Variants in ZNF43 observed in about 807,000 individuals in gnomAD.
ZNF43 encodes the protein zinc finger protein 43.
ZNF43 carries 44 observed loss-of-function variants against 68.4 expected under a neutral mutation model. The observed-to-expected ratio is 0.64, with a 90% CI of 0.51 to 0.83. The LOEUF (loss-of-function observed/expected upper bound fraction) is 0.83. Among genes scored for constraint, ZNF43 ranks in the 40% least tolerant of loss-of-function variants. The pLI, the probability that ZNF43 is intolerant of heterozygous loss-of-function variation, is 0.00. For missense variants in ZNF43, 896 were observed against 933.2 expected (o/e 0.96, Z 0.52); for synonymous variants, 308 against 307.8 (o/e 1.00, Z -0.01).
At chr19:21,843,680 T>C (rs1967697972) in intron 1 of ZNF43, among the ~76,000 whole-genome samples, 2 of 152,064 alleles carry the variant, frequency 1.3e-5, no homozygotes, top group South Asian at 4.2e-4. Context: ...TCCCAGCTAC[T>C]AGGGAGGCTG....
chr19:21,827,168 C>A (rs1246204451), intron 1 of ZNF43: 1 of 152,152 alleles, frequency 6.6e-6, no homozygotes, highest in Non-Finnish European at 1.5e-5. Flanking sequence ...AATATATATT[C>A]TCAGCAGAAT....
Position 21,833,443 on chromosome 19 carries a change from T to C in ZNF43, c.3+2593A>G, listed in dbSNP as rs1440246229. On this transcript the variant is annotated intron_variant, in intron 1 of 3. Coordinates refer to ENST00000354959, the MANE Select transcript of ZNF43 (RefSeq NM_003423.4). ...CCCCTGCACCCAGCTAATTTTTTTG[T>C]ATTTTTAGTTGAGACGGGATTTCAC... is the stretch of plus-strand genomic sequence containing the variant. 2.0e-5 allele frequency among the ~76,000 whole-genome samples: 3 copies of C among 151,990 alleles called. No homozygotes were observed. The East Asian group carries it at 5.9e-4, about 30-fold the overall frequency.
At chr19:21,818,688 G>T (rs1043946592) in intron 2 of ZNF43, among the ~76,000 whole-genome samples, 2 of 152,120 alleles carry the variant, frequency 1.3e-5, no homozygotes, top group East Asian at 3.9e-4. Context: ...CCAGAGTACC[G>T]GGATTACAGG....
chr19:21,839,331 C>CAA (rs61335194), upstream of ZNF43, among the ~76,000 whole-genome samples: 3,283 of 27,108 alleles, frequency 0.12, 411 homozygotes, highest in African/African-American at 0.14. Context: ...AGAGATCAGG[C>CAA]AAAAAAAAAA....
At chr19:21,819,956 T>C (rs2037716531) in intron 1 of ZNF43, among the ~76,000 whole-genome samples, 1 of 151,928 alleles carries the variant, frequency 6.6e-6, no homozygotes, top group Admixed American at 6.6e-5. Context: ...CCTAGCACTT[T>C]GGGAGGCTGA....
intron 1 of ZNF43, among the ~76,000 whole-genome samples, chr19:21,844,923 T>A (rs61355591): frequency 0.015 from 1,238 of 83,492 alleles, 11 homozygotes; most frequent in African/African-American, 0.033. Context: ...AAAAAAAAAA[T>A]ATATATATAT....
chr19:21,832,636 G>A (rs2038477548), intron 1 of ZNF43, among the ~76,000 whole-genome samples: 1 of 109,970 alleles, frequency 9.1e-6, no homozygotes, highest in Admixed American at 8.5e-5. Context: ...GGAGGCCAAG[G>A]CAGGCAGATA....
At chr19:21,815,911 A>C (rs1274047867) in intron 3 of ZNF43, among the ~76,000 whole-genome samples, 1 of 151,980 alleles carries the variant, frequency 6.6e-6, no homozygotes, top group Non-Finnish European at 1.5e-5. Flanking sequence ...ATACAAAAAA[A>C]TTAGCCAGGT....
At chr19:21,844,921 A>AAAAAAAAT (rs1310761266) in intron 1 of ZNF43, among the ~76,000 whole-genome samples, 7 of 26,050 alleles carry the variant, frequency 2.7e-4, no homozygotes, top group East Asian at 8.5e-4. Context: ...AAAAAAAAAA[A>AAAAAAAAT]ATATATATAT....
In ZNF43 at chr19:21,806,236, G is replaced by C. The variant is rs2036935738; in HGVS notation, c.*1371C>G. 2 of 149,456 alleles carry C rather than the reference G, an allele frequency of 1.3e-5. No homozygotes were observed. The highest frequency in any genetic ancestry group is 4.2e-4 in the South Asian group (2 of 4,764). 9.3% of individuals were successfully genotyped at this position (149,456 alleles called of 1,614,324 possible). On this transcript the variant is annotated 3_prime_UTR_variant, in exon 4 of 4. Transcript: ENST00000354959. ...TTGTTGCCCAGGTTGGAGTGCAATG[G>C]TATGATTTCGGCTCACTGAGACCTC...
In ZNF43 at chr19:21,807,697, A is replaced by T; in HGVS notation, c.2340T>A (p.His780Gln). 6.2e-7 allele frequency: 1 copy of T among 1,612,054 alleles called. No homozygotes were observed. The highest frequency in any genetic ancestry group is 8.5e-7 in the Non-Finnish European group (1 of 1,179,078). Residue 780 changes from histidine (H) to glutamine (Q), a missense_variant, in exon 4 of 4, where the codon CAT (histidine) becomes CAA (glutamine). By Grantham distance (24) the His-to-Gln change is conservative. Coordinates refer to ENST00000354959, the MANE Select transcript of ZNF43 (RefSeq NM_003423.4). Reference protein sequence around the residue: ...AFNQYSNLTTHNKIHTGEKLY... With the variant: ...AFNQYSNLTTQNKIHTGEKLY... ...GTTTCTCTCCAGTATGAATTTTGTT[A>T]TGTGTAGTAAGGTTTGAATATTGGT... is the stretch of plus-strand genomic sequence containing the variant.
Position 21,806,115 on chromosome 19 carries a change from C to T in ZNF43, c.*1492G>A, listed in dbSNP as rs1257529963. ...CTCTGAAAACCTATCTCCTGCATCA[C>T]TCCTTTATAAGTTAACCACAAAGAG... On this transcript the variant is annotated 3_prime_UTR_variant, in exon 4 of 4. Coordinates refer to ENST00000354959, the MANE Select transcript of ZNF43 (RefSeq NM_003423.4). The T allele has an allele frequency of 1.3e-5, 2 of 151,776 alleles. No individual in the cohort carries two copies. Among genetic ancestry groups the T allele is most frequent in the Non-Finnish European group, 2.9e-5 (2 of 67,988 alleles). 9.4% of individuals were successfully genotyped at this position (151,776 alleles called of 1,614,324 possible).
At chr19:21,825,701 T>C (rs2038085114) in intron 1 of ZNF43, among the ~76,000 whole-genome samples, 1 of 152,092 alleles carries the variant, frequency 6.6e-6, no homozygotes, top group South Asian at 2.1e-4. Flanking sequence ...TTTGATCGGG[T>C]TTCTGGGCCC....
chr19:21,813,671 G>C (rs1455416589), intron 3 of ZNF43, among the ~76,000 whole-genome samples: 1 of 152,098 alleles, frequency 6.6e-6, no homozygotes, highest in Admixed American at 6.6e-5. Flanking sequence ...GGCAAAATGA[G>C]CACTTGTTAC....
At chr19:21,813,963 T>A (rs1421114743) in intron 3 of ZNF43, among the ~76,000 whole-genome samples, 1 of 152,070 alleles carries the variant, frequency 6.6e-6, no homozygotes, top group Non-Finnish European at 1.5e-5. Context: ...GGAATCTCCA[T>A]ATATTGCCCA....
chr19:21,820,830 A>ATTTTT (rs750258211), intron 1 of ZNF43, among the ~76,000 whole-genome samples: 2 of 128,786 alleles, frequency 1.6e-5, no homozygotes, highest in African/African-American at 6.2e-5. Flanking sequence ...ATGTTCTGTA[A>ATTTTT]TTTTTTTTTT....
intron 1 of ZNF43, among the ~76,000 whole-genome samples, chr19:21,846,544 A>G (rs1209673764): frequency 6.6e-6 from 1 of 152,222 alleles, no homozygotes; most frequent in East Asian, 1.9e-4. Context: ...AGCATGGTCC[A>G]GGCAGGAAAC....
chr19:21,844,871 TGGGCGACA>T (rs1320463290), intron 1 of ZNF43, among the ~76,000 whole-genome samples: 2 of 116,174 alleles, frequency 1.7e-5, no homozygotes, highest in East Asian at 5.5e-4. Context: ...CACTCCAGCC[TGGGCGACA>T]GAGCAAGATT....
At chr19:21,820,347 A>G (rs1445511366) in intron 1 of ZNF43, among the ~76,000 whole-genome samples, 5 of 121,308 alleles carry the variant, frequency 4.1e-5, no homozygotes, top group Non-Finnish European at 8.4e-5. Context: ...TGGGAGGTCA[A>G]GGTGGGTGGA....
Sources: gnomAD v4.1 joint callset for allele counts (sites outside exome capture counted in the v4.1 genomes callset) on GRCh38, gnomAD v4.1.1 for gene constraint, MANE v1.5 for transcripts, NCBI Gene and HGNC (gene_info 2026-07-23, HGNC 2026-07-21) for gene names.